CNIH4: variants seen among roughly 807,000 people sequenced by gnomAD.
The protein encoded by CNIH4 is cornichon family member 4.
A neutral mutation model predicts 21.5 loss-of-function variants in CNIH4; 9 were observed. That is an observed-to-expected ratio of 0.42 (90% CI 0.25 to 0.73). The LOEUF (loss-of-function observed/expected upper bound fraction) is 0.73, where lower values mean the gene tolerates loss of function less well. Among genes scored for constraint, CNIH4 ranks in the 30% least tolerant of loss-of-function variants. CNIH4 has a pLI of 0.27. For synonymous variants in CNIH4, 67 were observed against 59.1 expected (o/e 1.13, Z -0.61); for missense variants, 159 against 170.0 (o/e 0.94, Z 0.36).
intron 1 of CNIH4, among the ~76,000 whole-genome samples, chr1:224,359,110 A>ATGG (rs1319199503): frequency 6.6e-6 from 1 of 152,202 alleles, no homozygotes; most frequent in African/African-American, 2.4e-5. Flanking sequence ...TCTGGAGCAC[A>ATGG]TGGTTGATTT....
chr1:224,371,497 G>T, intron 4 of CNIH4, 74 bp downstream of exon 4: 1 of 1,435,774 alleles, frequency 7.0e-7, no homozygotes. Flanking sequence ...TATACTATAG[G>T]ATTTTGCATT....
rs1419859717 is a variant in CNIH4, at chr1:224,376,823, C to T, written c.*1001C>T. The stretch of plus-strand genomic sequence containing the variant: ...AACTCTTGCAGGTGGGAGAGCAGTT[C>T]ACCTCCTTAGCTCTGTTTGCCAGCT... On this transcript the variant is annotated 3_prime_UTR_variant, in exon 5 of 5. Coordinates refer to ENST00000465271, the MANE Select transcript of CNIH4 (RefSeq NM_014184.4). 2.0e-6 allele frequency: 2 copies of T among 985,288 alleles called. No homozygotes were observed. Among genetic ancestry groups the T allele is most frequent in the Admixed American group, 1.2e-4 (2 of 16,272 alleles). 61.0% of individuals were successfully genotyped at this position (985,288 alleles called of 1,614,324 possible).
Position 224,379,352 on chromosome 1 carries a change from G to T in CNIH4, c.*3530G>T. On this transcript the variant is annotated 3_prime_UTR_variant, in exon 5 of 5. Transcript: ENST00000465271. ...TTAGATTGTATGTTCCTGGAGGGCA[G>T]AATATGCCCATTCATATTTGTATCT... 2.0e-6 allele frequency: 1 copy of T among 493,934 alleles called. No homozygotes were observed. The highest frequency in any genetic ancestry group is 3.7e-6 in the Non-Finnish European group (1 of 271,486). 30.6% of individuals were successfully genotyped at this position (493,934 alleles called of 1,614,324 possible).
chr1:224,370,768 A>T (rs754344168), intron 3 of CNIH4, among the ~76,000 whole-genome samples: 16 of 152,116 alleles, frequency 1.1e-4, no homozygotes, highest in Non-Finnish European at 1.9e-4. Context: ...AGGGCAGAAG[A>T]TTAACAGTAT....
intron 1 of CNIH4, 97 bp from the exon 2 acceptor site, chr1:224,360,398 C>A: frequency 3.4e-6 from 2 of 595,482 alleles, no homozygotes; most frequent in Non-Finnish European, 5.6e-6. Context: ...TTTTTCAAGT[C>A]AAATCTAATT....
chr1:224,364,758 C>T (rs930966707), intron 2 of CNIH4, among the ~76,000 whole-genome samples: 10 of 152,098 alleles, frequency 6.6e-5, no homozygotes, highest in African/African-American at 2.4e-4. Flanking sequence ...CATGGTGAAA[C>T]TCCGTCTCTA....
In CNIH4 at chr1:224,379,074, G is replaced by T. The variant is rs1299741907; in HGVS notation, c.*3252G>T. ...TTTTCCTTCTATCCTTTCAGTGGTA[G>T]CAACTGCCCTTGCTAATCACCGTAA... On this transcript the variant is annotated 3_prime_UTR_variant, in exon 5 of 5. Coordinates refer to ENST00000465271, the MANE Select transcript of CNIH4 (RefSeq NM_014184.4). 2 of 1,550,570 alleles carry T rather than the reference G, an allele frequency of 1.3e-6. No individual in the cohort carries two copies. Among genetic ancestry groups the T allele is most frequent in the Non-Finnish European group, 1.7e-6 (2 of 1,146,974 alleles).
At chr1:224,368,910 CTT>C (rs11370391) in intron 3 of CNIH4, among the ~76,000 whole-genome samples, 2 of 143,136 alleles carry the variant, frequency 1.4e-5, no homozygotes. Flanking sequence ...CTGTGTGTGT[CTT>C]TTTTTTTTTT....
rs1388661279 is a variant in CNIH4 at position 224,377,395 on chromosome 1, A to G, written c.*1573A>G. The G allele has an allele frequency of 1.3e-5, 2 of 152,054 alleles. No individual in the cohort carries two copies. 9.4% of individuals were successfully genotyped at this position (152,054 alleles called of 1,614,324 possible). On this transcript the variant is annotated 3_prime_UTR_variant, in exon 5 of 5. Transcript: ENST00000465271. ...TCCTCCTAACTTCCTGTGCCTCTTC[A>G]TGTTCTGCTCAAGCTTTTTAAAGCA... is the stretch of plus-strand genomic sequence containing the variant.
In CNIH4 at chr1:224,370,125, G is replaced by A. The variant is rs112647315; in HGVS notation, c.252-1158G>A. 2.4e-3 allele frequency among the ~76,000 whole-genome samples: 371 copies of A among 151,990 alleles called. 2 individuals are homozygous for A. Among genetic ancestry groups the A allele is most frequent in the African/African-American group, 8.7e-3 (359 of 41,462 alleles). On this transcript the variant is annotated intron_variant, in intron 3 of 4. Coordinates refer to ENST00000465271, the MANE Select transcript of CNIH4 (RefSeq NM_014184.4). The stretch of plus-strand genomic sequence containing the variant: ...AAGACAGCTAAGTAAGTGGTGGTAG[G>A]AAGAAAGACTGGACAAGGGTTTGAT...
In CNIH4 at chr1:224,379,113, A is replaced by G; in HGVS notation, c.*3291A>G. 3 of 1,550,464 alleles carry G rather than the reference A, an allele frequency of 1.9e-6. No individual in the cohort carries two copies. The South Asian group carries it at 3.6e-5, about 18-fold the overall frequency. On this transcript the variant is annotated 3_prime_UTR_variant, in exon 5 of 5. Coordinates refer to ENST00000465271, the MANE Select transcript of CNIH4 (RefSeq NM_014184.4). ...TAATCACCGTAACCTCGGCTGAGAA[A>G]GAAGAGGAAGCGAAATCCAAGATGC...
At chr1:224,367,381 G>C (rs1270222189) in intron 3 of CNIH4, among the ~76,000 whole-genome samples, 1 of 152,102 alleles carries the variant, frequency 6.6e-6, no homozygotes, top group Non-Finnish European at 1.5e-5. Context: ...ATGGGGGAAT[G>C]ATTTTATAAA....
At chr1:224,364,293 C>T (rs2102855617) in intron 2 of CNIH4, 1 of 985,414 alleles carries the variant, frequency 1.0e-6, no homozygotes, top group Non-Finnish European at 1.2e-6. Context: ...ACAAAGATGA[C>T]TGCAGCCTAC....
Position 224,378,986 on chromosome 1 carries a change from G to T in CNIH4, c.*3164G>T, listed in dbSNP as rs1049980211. 9.5e-6 allele frequency: 13 copies of T among 1,375,396 alleles called. No homozygotes were observed. The East Asian group carries it at 3.0e-4, about 32-fold the overall frequency. 85.2% of individuals were successfully genotyped at this position (1,375,396 alleles called of 1,614,324 possible). A position where few individuals can be genotyped will look rare whatever the true frequency, so the allele number is the denominator to read the frequency against. On this transcript the variant is annotated 3_prime_UTR_variant, in exon 5 of 5. Coordinates refer to ENST00000465271, the MANE Select transcript of CNIH4 (RefSeq NM_014184.4). ...TCTATAATGGCAGTACCCAGGGCCC[G>T]GTCCATAGACTACTATCGAGTGCTC... is the stretch of plus-strand genomic sequence containing the variant.
At chr1:224,372,461 A>C (rs1263248840) in intron 4 of CNIH4, among the ~76,000 whole-genome samples, 1 of 152,216 alleles carries the variant, frequency 6.6e-6, no homozygotes, top group Non-Finnish European at 1.5e-5. Flanking sequence ...GGTAGAGTTT[A>C]ATTTTTCACA....
chr1:224,376,954 G>T lies in CNIH4; in HGVS notation c.*1132G>T, dbSNP rs954502385. 4.7e-5 allele frequency: 46 copies of T among 972,998 alleles called. No homozygotes were observed. In the African/African-American group the frequency reaches 7.9e-4, roughly 17 times the overall value. 60.3% of individuals were successfully genotyped at this position (972,998 alleles called of 1,614,324 possible). ...TGGGCAAAACATGACTGTGTTCTGT[G>T]GGAGAATCCAAAGGCATTATTCACT... On this transcript the variant is annotated 3_prime_UTR_variant, in exon 5 of 5. Coordinates refer to ENST00000465271, the MANE Select transcript of CNIH4 (RefSeq NM_014184.4).
intron 4 of CNIH4, among the ~76,000 whole-genome samples, chr1:224,375,026 T>C (rs1672740012): frequency 6.6e-6 from 1 of 152,208 alleles, no homozygotes; most frequent in African/African-American, 2.4e-5. Flanking sequence ...GATGGTTTTG[T>C]TATTGTTAAC....
At chr1:224,372,652 G>C (rs530605985) in intron 4 of CNIH4, among the ~76,000 whole-genome samples, 1 of 151,718 alleles carries the variant, frequency 6.6e-6, no homozygotes. Flanking sequence ...GCACAGTCTC[G>C]GCTCACTGCA....
rs1672847157 is a variant in CNIH4, at chr1:224,378,919, G to A, written c.*3097G>A. On this transcript the variant is annotated 3_prime_UTR_variant, in exon 5 of 5. Transcript: ENST00000465271. ...GGGAACATCTGAATGCTGAGGCTTA[G>A]TCCAGTGTTCTCTCTCCCTTACCAC... is the stretch of plus-strand genomic sequence containing the variant. The A allele has an allele frequency of 5.5e-6, 4 of 721,444 alleles. No homozygotes were observed. The highest frequency in any genetic ancestry group is 9.8e-6 in the Non-Finnish European group (4 of 407,712). 44.7% of individuals were successfully genotyped at this position (721,444 alleles called of 1,614,324 possible). A position where few individuals can be genotyped will look rare whatever the true frequency, so the allele number is the denominator to read the frequency against.
Sources: gnomAD v4.1 joint callset for allele counts (sites outside exome capture counted in the v4.1 genomes callset) on GRCh38, gnomAD v4.1.1 for gene constraint, MANE v1.5 for transcripts, NCBI Gene and HGNC (gene_info 2026-07-23, HGNC 2026-07-21) for gene names.